The following FARS2 variants were observed in gnomAD, a reference collection of about 807,000 sequenced individuals.
FARS2 encodes phenylalanyl-tRNA synthetase 2, mitochondrial, also known as phenylalanine--tRNA ligase, mitochondrial.
FARS2 carries 40 observed loss-of-function variants against 46.4 expected under a neutral mutation model. That is an observed-to-expected ratio of 0.86 (90% CI 0.67 to 1.12). FARS2 has a LOEUF of 1.12. FARS2 is among the 50% of genes most tolerant of loss of function. The probability of loss-of-function intolerance (pLI) is 0.00; values close to 1 mark genes in which losing one functional copy is unlikely to be tolerated. For synonymous variants in FARS2, 234 were observed against 214.9 expected, an observed-to-expected ratio of 1.09 and a Z score of -0.78; for missense variants, 513 against 567.9, an observed-to-expected ratio of 0.90 and a Z score of 0.98.
In FARS2 at chr6:5,292,953, G is replaced by T. The variant is rs975301204; in HGVS notation, c.-22+31293G>T. On this transcript the variant is annotated intron_variant, in intron 1 of 6. Transcript: ENST00000274680. The stretch of plus-strand genomic sequence containing the variant: ...CAGAAGAGAGGCCACAAAAACTGAG[G>T]GAAGGCACAGTTCTGAAGAGGGTGC... Among the ~76,000 whole-genome samples, 45 of 152,136 alleles carry T rather than the reference G, an allele frequency of 3.0e-4. 1 individual carries two copies. The highest frequency in any genetic ancestry group is 1.5e-5 in the Non-Finnish European group (1 of 68,032).
chr6:5,515,434 A>G (rs1211468873), intron 4 of FARS2, among the ~76,000 whole-genome samples: 1 of 151,650 alleles, frequency 6.6e-6, no homozygotes, highest in African/African-American at 2.4e-5. Flanking sequence ...TTTTATTTTT[A>G]TTTTTATTTT....
intron 4 of FARS2, among the ~76,000 whole-genome samples, chr6:5,540,390 AG>A (rs1770548498): frequency 6.6e-6 from 1 of 152,226 alleles, no homozygotes; most frequent in African/African-American, 2.4e-5. Flanking sequence ...GTGTCTAGCA[AG>A]CAATGAATGA....
intron 5 of FARS2, among the ~76,000 whole-genome samples, chr6:5,555,856 T>C (rs915851342): frequency 5.3e-5 from 8 of 152,162 alleles, no homozygotes; most frequent in African/African-American, 1.9e-4. Flanking sequence ...TTATATGTAT[T>C]CAGTAAGCAT....
At chr6:5,427,169 A>G (rs116333002) in intron 3 of FARS2, among the ~76,000 whole-genome samples, 1,809 of 152,306 alleles carry the variant, frequency 0.012, 13 homozygotes, top group Non-Finnish European at 0.018. Context: ...TGATGATCGA[A>G]TCAGGGAAAT....
intron 5 of FARS2, among the ~76,000 whole-genome samples, chr6:5,579,943 G>C (rs1283946990): frequency 2.0e-5 from 3 of 151,962 alleles, no homozygotes; most frequent in African/African-American, 7.3e-5. Flanking sequence ...TGTTGTTGTT[G>C]TTTTCTGCCT....
intron 4 of FARS2, among the ~76,000 whole-genome samples, chr6:5,468,520 A>G (rs1765637974): frequency 6.6e-6 from 1 of 152,200 alleles, no homozygotes; most frequent in African/African-American, 2.4e-5. Context: ...CCATAATATT[A>G]TAGAAAGAAT....
In FARS2 at chr6:5,602,645, CAAAAAAA is replaced by C. The variant is rs55712653; in HGVS notation, c.1066-10505_1066-10499del. ...CTGGCAATAGAGTGAGACTCCGTCT[CAAAAAAA>C]AAAAAAAAAAAAAAAAAAGGGAACC... On this transcript the variant is annotated intron_variant, in intron 5 of 6. Transcript: ENST00000274680. 3.7e-3 allele frequency among the ~76,000 whole-genome samples: 270 copies of C among 72,194 alleles called. 1 individual carries two copies. Among genetic ancestry groups the C allele is most frequent in the African/African-American group, 0.011 (254 of 23,886 alleles). The allele number at this position is 72,194 out of a possible 152,430, so 47.4% of individuals were successfully genotyped here.
chr6:5,372,475 ACAGT>A (rs1442251615), intron 2 of FARS2, among the ~76,000 whole-genome samples: 2 of 152,292 alleles, frequency 1.3e-5, no homozygotes. Context: ...TTACTAATTG[ACAGT>A]CAAAGTCTAA....
chr6:5,614,687 T>C (rs578236953), intron 6 of FARS2, among the ~76,000 whole-genome samples: 38 of 152,254 alleles, frequency 2.5e-4, no homozygotes, highest in Middle Eastern at 3.4e-3. Context: ...GCGTGAGCCA[T>C]CGCGCTGGGC....
At chr6:5,281,928 G>C (rs1766760694) in intron 1 of FARS2, among the ~76,000 whole-genome samples, 1 of 152,152 alleles carries the variant, frequency 6.6e-6, no homozygotes. Context: ...AATAATTCTA[G>C]AAAATGACTT....
At chr6:5,766,348 GCTGTCTGGCTTC>G (rs1355046722) in intron 6 of FARS2, among the ~76,000 whole-genome samples, 1 of 152,154 alleles carries the variant, frequency 6.6e-6, no homozygotes, top group East Asian at 1.9e-4. Context: ...TTCCCAGCCA[GCTGTCTGGCTTC>G]CCAGACCACC....
At position 5,395,459 on chromosome 6, in the gene FARS2, G is replaced by T. The variant is rs1003323875; in HGVS notation, c.613-9083G>T. ...CCTGGACTATAAAAGATATTCTTTG[G>T]AACCTGGGGTCTTTCTGGCCCTGAT... On this transcript the variant is annotated intron_variant, in intron 2 of 6. Transcript: ENST00000274680. 2.0e-5 allele frequency among the ~76,000 whole-genome samples: 3 copies of T among 152,176 alleles called. No individual in the cohort carries two copies. In the East Asian group the frequency reaches 5.8e-4, roughly 29 times the overall value.
chr6:5,399,201 G>A (rs1163865479), intron 2 of FARS2, among the ~76,000 whole-genome samples: 2 of 144,086 alleles, frequency 1.4e-5, no homozygotes, highest in Admixed American at 7.1e-5. Flanking sequence ...TCGAGACGGA[G>A]TCTCCTTTTG....
chr6:5,661,818 T>C (rs1182227091), intron 6 of FARS2, among the ~76,000 whole-genome samples: 1 of 146,300 alleles, frequency 6.8e-6, no homozygotes, highest in Non-Finnish European at 1.5e-5. Flanking sequence ...AAAGGTTGTG[T>C]GCAGTAAGAG....
chr6:5,416,381 T>C (rs767471981), intron 3 of FARS2, among the ~76,000 whole-genome samples: 3 of 152,226 alleles, frequency 2.0e-5, no homozygotes, highest in African/African-American at 4.8e-5. Flanking sequence ...CATCGTTTGT[T>C]GAAATGACCT....
chr6:5,711,016 C>T (rs1316028495), intron 6 of FARS2, among the ~76,000 whole-genome samples: 1 of 152,126 alleles, frequency 6.6e-6, no homozygotes, highest in African/African-American at 2.4e-5. Flanking sequence ...GTGATTGATT[C>T]TAGGACTGGG....
intron 5 of FARS2, among the ~76,000 whole-genome samples, chr6:5,580,624 A>G (rs1291023465): frequency 6.6e-6 from 1 of 152,136 alleles, no homozygotes; most frequent in Non-Finnish European, 1.5e-5. Context: ...CCTCGCTCAT[A>G]TCACAAGGGT....
intron 6 of FARS2, among the ~76,000 whole-genome samples, chr6:5,658,044 G>A (rs977801618): frequency 2.0e-5 from 3 of 152,190 alleles, no homozygotes; most frequent in African/African-American, 7.2e-5. Flanking sequence ...ATCACCTGAG[G>A]TGGGGAATTC....
intron 4 of FARS2, among the ~76,000 whole-genome samples, chr6:5,478,341 T>TTA (rs1276814573): frequency 6.6e-6 from 1 of 152,224 alleles, no homozygotes; most frequent in Non-Finnish European, 1.5e-5. Flanking sequence ...CATATATCTT[T>TTA]CACTTGTATG....
Sources: allele counts gnomAD v4.1 joint callset (sites outside exome capture counted in the v4.1 genomes callset), GRCh38; gene constraint gnomAD v4.1.1; transcripts MANE v1.5; gene names NCBI Gene and HGNC (gene_info 2026-07-23, HGNC 2026-07-21).